Variants in GABBR2 observed in about 807,000 individuals in gnomAD.
GABBR2 encodes gamma-aminobutyric acid type B receptor subunit 2, also known as G-protein coupled receptor 51.
Under a neutral mutation model 105.6 loss-of-function variants are expected in GABBR2, and 23 were observed. That is an observed-to-expected ratio of 0.22 (90% confidence interval 0.16 to 0.31). The LOEUF is 0.31. Among genes scored for constraint, GABBR2 ranks in the 10% least tolerant of loss-of-function variants. The pLI is 1.00. For synonymous variants in GABBR2, 478 were observed against 499.7 expected, an observed-to-expected ratio of 0.96 and a Z score of 0.58; for missense variants, 734 against 1,245.5, an observed-to-expected ratio of 0.59 and a Z score of 6.18.
At chr9:98,575,998 C>A (rs1171044566) in intron 2 of GABBR2, among the ~76,000 whole-genome samples, 1 of 152,198 alleles carries the variant, frequency 6.6e-6, no homozygotes, top group Non-Finnish European at 1.5e-5. Flanking sequence ...ATGCACCTAC[C>A]ATAGCACCTG....
chr9:98,414,283 C>A (rs903141855), intron 7 of GABBR2, among the ~76,000 whole-genome samples: 2 of 152,184 alleles, frequency 1.3e-5, no homozygotes, highest in African/African-American at 4.8e-5. Context: ...AAGGAGCTGG[C>A]TGAGCCGAGA....
In GABBR2 at chr9:98,597,913, G is replaced by A. The variant is rs552019255; in HGVS notation, c.322-19841C>T. On this transcript the variant is annotated intron_variant, in intron 1 of 18. Transcript: ENST00000259455. The stretch of plus-strand genomic sequence containing the variant: ...CGGCTCACTGTAACCTCTGCCTCCC[G>A]GGTTCAAGCCAACTCTACTGCCTCA... 1.1e-4 allele frequency among the ~76,000 whole-genome samples: 17 copies of A among 151,880 alleles called. 1 individual carries two copies. Among genetic ancestry groups the A allele is most frequent in the South Asian group, 8.3e-4 (4 of 4,794 alleles).
rs796700114 is a variant in GABBR2, at chr9:98,514,425, A to T, written c.631-17911T>A. Among the ~76,000 whole-genome samples, 7 of 85,664 alleles carry T rather than the reference A, an allele frequency of 8.2e-5. No individual in the cohort carries two copies. In the South Asian group the frequency reaches 9.7e-4, roughly 12 times the overall value. 56.2% of individuals were successfully genotyped at this position (85,664 alleles called of 152,430 possible). A position where few individuals can be genotyped will look rare whatever the true frequency, so the allele number is the denominator to read the frequency against. Reference sequence around the variant, plus strand: ...ATAATAATAATAATAATAATAATAAAAAAGAAAATGTGGCACATACACACC... The same window carrying T: ...ATAATAATAATAATAATAATAATAATAAAGAAAATGTGGCACATACACACC... On this transcript the variant is annotated intron_variant, in intron 3 of 18. Coordinates refer to ENST00000259455, the MANE Select transcript of GABBR2 (RefSeq NM_005458.8).
chr9:98,291,967 A>G (rs1162881606), intron 18 of GABBR2, among the ~76,000 whole-genome samples: 1 of 152,214 alleles, frequency 6.6e-6, no homozygotes, highest in Non-Finnish European at 1.5e-5. Flanking sequence ...GAGGAGCAGC[A>G]AGGGAAAAGG....
At chr9:98,585,528 T>A (rs541741836) in intron 1 of GABBR2, among the ~76,000 whole-genome samples, 2 of 149,396 alleles carry the variant, frequency 1.3e-5, no homozygotes, top group Admixed American at 6.7e-5. Flanking sequence ...CATTAGGAGA[T>A]ATACCTAATG....
chr9:98,413,274 A>G (rs1056061774), intron 7 of GABBR2, among the ~76,000 whole-genome samples: 13 of 152,188 alleles, frequency 8.5e-5, no homozygotes, highest in Admixed American at 3.9e-4. Flanking sequence ...AGACTTTGAG[A>G]AAACACTGGG....
chr9:98,582,092 T>C (rs1463237881), intron 1 of GABBR2, among the ~76,000 whole-genome samples: 3 of 152,208 alleles, frequency 2.0e-5, no homozygotes, highest in Non-Finnish European at 4.4e-5. Flanking sequence ...CTTCACCCCT[T>C]GGAATTACCT....
intron 3 of GABBR2, among the ~76,000 whole-genome samples, chr9:98,511,191 T>C (rs1013642862): frequency 1.3e-5 from 2 of 151,514 alleles, no homozygotes; most frequent in East Asian, 1.9e-4. Flanking sequence ...GAAATAAAGA[T>C]GTTCTTTGAA....
At chr9:98,693,089 G>A (rs747744147) in intron 1 of GABBR2, among the ~76,000 whole-genome samples, 13 of 152,144 alleles carry the variant, frequency 8.5e-5, no homozygotes, top group Non-Finnish European at 1.5e-4. Context: ...CGGACACCTC[G>A]AGGTTCCTCA....
Position 98,490,309 on chromosome 9 carries a change from A to C in GABBR2, c.732+6104T>G, listed in dbSNP as rs185239555. ...TTCCCTATACTTTCTGAGTTCTGAC[A>C]AAAAAAAGGAATAAAGACTGCTGAT... On this transcript the variant is annotated intron_variant, in intron 4 of 18. Coordinates refer to ENST00000259455, the MANE Select transcript of GABBR2 (RefSeq NM_005458.8). 1.6e-3 allele frequency among the ~76,000 whole-genome samples: 246 copies of C among 152,020 alleles called. 2 individuals are homozygous for C. The highest frequency in any genetic ancestry group is 4.5e-3 in the Admixed American group (69 of 15,292).
intron 13 of GABBR2, among the ~76,000 whole-genome samples, chr9:98,354,438 C>T (rs1831452282): frequency 2.0e-5 from 3 of 152,226 alleles, no homozygotes. Flanking sequence ...GCATCTTCTT[C>T]CAACATAAGC....
chr9:98,341,213 G>A (rs4311763), intron 13 of GABBR2, among the ~76,000 whole-genome samples: 28,553 of 152,174 alleles, frequency 0.19, 3,389 homozygotes, highest in South Asian at 0.27. Flanking sequence ...TCGCGGCGGT[G>A]GCTGGCAGAG....
At chr9:98,409,799 C>T (rs1030259753) in intron 7 of GABBR2, among the ~76,000 whole-genome samples, 8 of 152,212 alleles carry the variant, frequency 5.3e-5, no homozygotes. Flanking sequence ...CACTGCATCA[C>T]ATTTTGACTT....
At chr9:98,659,990 T>C (rs1205272408) in intron 1 of GABBR2, among the ~76,000 whole-genome samples, 3 of 152,234 alleles carry the variant, frequency 2.0e-5, no homozygotes, top group Non-Finnish European at 4.4e-5. Context: ...AGACATTTTA[T>C]ATGCATATTT....
At chr9:98,530,647 C>A (rs1024925345) in intron 3 of GABBR2, among the ~76,000 whole-genome samples, 2 of 152,224 alleles carry the variant, frequency 1.3e-5, no homozygotes, top group Admixed American at 6.5e-5. Context: ...TAACCAGGCG[C>A]GGTGGCGTGT....
chr9:98,341,470 C>A (rs1831212537), intron 13 of GABBR2, among the ~76,000 whole-genome samples: 1 of 152,184 alleles, frequency 6.6e-6, no homozygotes, highest in South Asian at 2.1e-4. Flanking sequence ...AGCCTAAATA[C>A]AACAGGACAG....
At chr9:98,472,931 A>G (rs936604913) in intron 6 of GABBR2, among the ~76,000 whole-genome samples, 1 of 152,130 alleles carries the variant, frequency 6.6e-6, no homozygotes, top group African/African-American at 2.4e-5. Flanking sequence ...GTGCTTCACA[A>G]TATCCTTACC....
chr9:98,581,919 C>T (rs1377206257), intron 1 of GABBR2, among the ~76,000 whole-genome samples: 7 of 152,300 alleles, frequency 4.6e-5, no homozygotes, highest in East Asian at 1.9e-4. Context: ...AATGATGTCA[C>T]GGCTTCTCAC....
intron 2 of GABBR2, among the ~76,000 whole-genome samples, chr9:98,564,978 G>T (rs983514245): frequency 6.6e-6 from 1 of 152,144 alleles, no homozygotes; most frequent in Non-Finnish European, 1.5e-5. Context: ...CGGGGAGGAG[G>T]GGGAGCAGAA....
Sources: gnomAD v4.1 joint callset for allele counts (sites outside exome capture counted in the v4.1 genomes callset) on GRCh38, gnomAD v4.1.1 for gene constraint, MANE v1.5 for transcripts, NCBI Gene and HGNC (gene_info 2026-07-23, HGNC 2026-07-21) for gene names.